The following EYS variants were observed in gnomAD, a reference collection of about 807,000 sequenced individuals.
The protein encoded by EYS is protein eyes shut homolog.
A neutral mutation model predicts 282.1 loss-of-function variants in EYS; 250 were observed. That is an observed-to-expected ratio of 0.89 (90% CI 0.80 to 0.98). The LOEUF is 0.98. Among genes scored for constraint, EYS ranks in the 50% least tolerant of loss-of-function variants. The probability of loss-of-function intolerance (pLI) is 0.00; values close to 1 mark genes in which losing one functional copy is unlikely to be tolerated. For synonymous variants in EYS, 1,355 were observed against 1,282.9 expected (o/e 1.06, Z -1.20); for missense variants, 4,016 against 3,709.0 (o/e 1.08, Z -2.15).
chr6:64,168,201 C>G lies in EYS; in HGVS notation c.6424+62391G>C, dbSNP rs190496130. ...GCGTGAACCCGGGAGGGGGAGCTTG[C>G]AGTGAGCCAAGATCACGCCACTGCA... On this transcript the variant is annotated intron_variant, in intron 31 of 42. Transcript: ENST00000503581. Among the ~76,000 whole-genome samples the G allele has an allele frequency of 5.7e-4, 87 of 152,262 alleles. 1 individual carries two copies. Among genetic ancestry groups the G allele is most frequent in the African/African-American group, 2.0e-3 (85 of 41,550 alleles).
chr6:65,685,673 C>T (rs1336976427), intron 1 of EYS, among the ~76,000 whole-genome samples: 1 of 151,912 alleles, frequency 6.6e-6, no homozygotes, highest in Non-Finnish European at 1.5e-5. Context: ...GTTGTTTTAA[C>T]CTCTTTTTAT....
intron 22 of EYS, among the ~76,000 whole-genome samples, chr6:64,679,122 C>T (rs929508262): frequency 2.0e-5 from 3 of 152,120 alleles, no homozygotes; most frequent in African/African-American, 7.2e-5. Flanking sequence ...CTCTTCTCTG[C>T]AGTCTCTACC....
At position 64,321,817 on chromosome 6, in the gene EYS, CAT is replaced by C. The variant is rs1008750808; in HGVS notation, c.6079-14737_6079-14736del. 1.4e-4 allele frequency among the ~76,000 whole-genome samples: 21 copies of C among 151,998 alleles called. No individual in the cohort carries two copies. The East Asian group carries it at 1.7e-3, about 13-fold the overall frequency. ...TTGTTGTCTATAAGGCCAACTATCA[CAT>C]GTTAGTCTATAAATATCTTAAATGT... On this transcript the variant is annotated intron_variant, in intron 29 of 42. Transcript: ENST00000503581.
chr6:65,584,716 C>A (rs1418414727), intron 2 of EYS, among the ~76,000 whole-genome samples: 1 of 151,740 alleles, frequency 6.6e-6, no homozygotes, highest in African/African-American at 2.4e-5. Context: ...ACAATAACAT[C>A]TTACGTTGCT....
At chr6:65,346,294 T>G (rs1483457896) in intron 9 of EYS, among the ~76,000 whole-genome samples, 1 of 151,436 alleles carries the variant, frequency 6.6e-6, no homozygotes, top group South Asian at 2.1e-4. Context: ...AGAACAAATC[T>G]TTATAAACAG....
chr6:65,111,729 C>A (rs906929196), intron 12 of EYS, among the ~76,000 whole-genome samples: 3 of 152,100 alleles, frequency 2.0e-5, no homozygotes, highest in Non-Finnish European at 4.4e-5. Context: ...TGCTTGTAAT[C>A]CCAGCTACTC....
intron 29 of EYS, among the ~76,000 whole-genome samples, chr6:64,385,712 A>C (rs1472183439): frequency 6.6e-6 from 1 of 152,234 alleles, no homozygotes; most frequent in African/African-American, 2.4e-5. Flanking sequence ...CTTATTAACA[A>C]GCTTCTAGAA....
intron 26 of EYS, among the ~76,000 whole-genome samples, chr6:64,563,634 T>G (rs1765473187): frequency 6.6e-6 from 1 of 152,138 alleles, no homozygotes. Flanking sequence ...TCAACAAATC[T>G]TATGAAATAT....
chr6:65,465,121 T>C (rs890366646), intron 5 of EYS, among the ~76,000 whole-genome samples: 1 of 152,136 alleles, frequency 6.6e-6, no homozygotes, highest in African/African-American at 2.4e-5. Flanking sequence ...ACATACAATG[T>C]CTATAAAATG....
intron 28 of EYS, among the ~76,000 whole-genome samples, chr6:64,433,573 G>T (rs1357628786): frequency 2.0e-5 from 3 of 151,878 alleles, no homozygotes; most frequent in Non-Finnish European, 4.4e-5. Context: ...AGATTATTTA[G>T]ATCAGATATA....
At position 64,637,093 on chromosome 6, in the gene EYS, G is replaced by A. The variant is rs1029082074; in HGVS notation, c.3444-10848C>T. 7.6e-5 allele frequency among the ~76,000 whole-genome samples: 8 copies of A among 105,004 alleles called. No individual in the cohort carries two copies. The East Asian group carries it at 1.8e-3, about 24-fold the overall frequency. 68.9% of individuals were successfully genotyped at this position (105,004 alleles called of 152,430 possible). The stretch of plus-strand genomic sequence containing the variant: ...TTTGACCCAGCCATCCCATTACTGG[G>A]TATATACCCAAAGGACTCTAAATCA... On this transcript the variant is annotated intron_variant, in intron 22 of 42. Coordinates refer to ENST00000503581, the MANE Select transcript of EYS (RefSeq NM_001142800.2).
intron 2 of EYS, among the ~76,000 whole-genome samples, chr6:65,539,830 G>A (rs1361161172): frequency 2.6e-5 from 4 of 152,162 alleles, no homozygotes; most frequent in African/African-American, 9.7e-5. Context: ...ACTGTCTACT[G>A]ATCGAATTCT....
intron 36 of EYS, among the ~76,000 whole-genome samples, chr6:63,827,615 C>T (rs368617458): frequency 7.9e-5 from 12 of 151,996 alleles, no homozygotes; most frequent in South Asian, 2.1e-4. Context: ...GAGGCCGAGG[C>T]GGGTGGATCA....
intron 12 of EYS, among the ~76,000 whole-genome samples, chr6:65,117,362 T>C (rs1232712319): frequency 1.3e-5 from 2 of 152,216 alleles, no homozygotes; most frequent in Non-Finnish European, 2.9e-5. Context: ...CATGGGTAGA[T>C]GGTAGAATTT....
At chr6:64,267,073 A>G (rs1194163615) in intron 30 of EYS, among the ~76,000 whole-genome samples, 1 of 152,180 alleles carries the variant, frequency 6.6e-6, no homozygotes, top group African/African-American at 2.4e-5. Context: ...GGGGTAACTG[A>G]AAAAATGTTG....
intron 31 of EYS, among the ~76,000 whole-genome samples, chr6:64,092,711 C>T (rs2150252693): frequency 6.6e-6 from 1 of 151,740 alleles, no homozygotes; most frequent in South Asian, 2.1e-4. Context: ...GTTGCCTGTT[C>T]ACTCTGATGG....
At chr6:65,463,962 C>A (rs1455252673) in intron 5 of EYS, among the ~76,000 whole-genome samples, 1 of 152,008 alleles carries the variant, frequency 6.6e-6, no homozygotes, top group Non-Finnish European at 1.5e-5. Flanking sequence ...ATACTATATA[C>A]TTTTAATATA....
At chr6:64,434,724 G>T (rs1178211582) in intron 28 of EYS, among the ~76,000 whole-genome samples, 1 of 151,998 alleles carries the variant, frequency 6.6e-6, no homozygotes, top group East Asian at 1.9e-4. Context: ...CATCTGAAAA[G>T]TATAGATAAT....
At chr6:63,826,873 A>G (rs371530131) in intron 36 of EYS, among the ~76,000 whole-genome samples, 8 of 150,886 alleles carry the variant, frequency 5.3e-5, no homozygotes, top group African/African-American at 1.7e-4. Flanking sequence ...AAGGACAAAA[A>G]CAAAAAAAAA....
Sources: allele counts gnomAD v4.1 joint callset (sites outside exome capture counted in the v4.1 genomes callset), GRCh38; gene constraint gnomAD v4.1.1; transcripts MANE v1.5; gene names NCBI Gene and HGNC (gene_info 2026-07-23, HGNC 2026-07-21).